PAK5: variants seen among roughly 807,000 people sequenced by gnomAD.
The protein encoded by PAK5 is p21 (RAC1) activated kinase 5, also known as serine/threonine-protein kinase PAK 5.
PAK5 carries 16 observed loss-of-function variants against 65.9 expected under a neutral mutation model. That is an observed-to-expected ratio of 0.24 (90% confidence interval 0.16 to 0.37). The LOEUF (loss-of-function observed/expected upper bound fraction) is 0.37, where lower values mean the gene tolerates loss of function less well. Ranked by LOEUF, PAK5 falls within the 10% of genes least tolerant of loss-of-function variation. PAK5 has a pLI of 1.00. For missense variants in PAK5, 785 were observed against 903.9 expected (o/e 0.87, Z 1.69); for synonymous variants, 371 against 354.9 (o/e 1.05, Z -0.51).
At chr20:9,780,295 G>A (rs1444522365) in intron 1 of PAK5, among the ~76,000 whole-genome samples, 2 of 150,446 alleles carry the variant, frequency 1.3e-5, no homozygotes. Flanking sequence ...TGACATAATA[G>A]GGTGCAATTT....
intron 7 of PAK5, among the ~76,000 whole-genome samples, chr20:9,557,202 T>C (rs548749743): frequency 1.3e-5 from 2 of 152,232 alleles, no homozygotes; most frequent in East Asian, 3.9e-4. Context: ...ATCCTCAAAT[T>C]ACCCAAGTGG....
chr20:9,698,544 C>A (rs1569046275), intron 2 of PAK5, among the ~76,000 whole-genome samples: 1 of 152,110 alleles, frequency 6.6e-6, no homozygotes, highest in African/African-American at 2.4e-5. Flanking sequence ...TGCAGACATG[C>A]CATTTGGTTT....
At chr20:9,696,580 G>A (rs1823070790) in intron 2 of PAK5, among the ~76,000 whole-genome samples, 1 of 152,004 alleles carries the variant, frequency 6.6e-6, no homozygotes. Context: ...CAGACGTGTG[G>A]GAGAAAGTTT....
intron 3 of PAK5, among the ~76,000 whole-genome samples, chr20:9,627,635 C>CT (rs539318641): frequency 2.0e-4 from 30 of 149,490 alleles, no homozygotes; most frequent in Non-Finnish European, 3.0e-4. Context: ...CTTTTCTTTT[C>CT]TTTTTTTTTT....
At chr20:9,814,845 A>G (rs1185424946) in intron 1 of PAK5, among the ~76,000 whole-genome samples, 1 of 152,114 alleles carries the variant, frequency 6.6e-6, no homozygotes, top group Non-Finnish European at 1.5e-5. Context: ...ATTGCTAGCC[A>G]TATGTCTTAG....
At chr20:9,818,907 A>T (rs571431324) in intron 1 of PAK5, 2 of 152,360 alleles carry the variant, frequency 1.3e-5, no homozygotes, top group South Asian at 2.1e-4. Context: ...ATATCAGCCA[A>T]ATAACATATA....
intron 2 of PAK5, among the ~76,000 whole-genome samples, chr20:9,654,959 A>T (rs1319773398): frequency 6.6e-6 from 1 of 152,192 alleles, no homozygotes; most frequent in African/African-American, 2.4e-5. Flanking sequence ...TTCCTTGTCT[A>T]TTGGGCTACA....
intron 1 of PAK5, among the ~76,000 whole-genome samples, chr20:9,835,899 G>A (rs1979112143): frequency 6.6e-6 from 1 of 152,082 alleles, no homozygotes; most frequent in Non-Finnish European, 1.5e-5. Flanking sequence ...TATTGTTTTT[G>A]TTATTTAATG....
chr20:9,758,576 G>T (rs1276173182), intron 1 of PAK5, among the ~76,000 whole-genome samples: 1 of 152,114 alleles, frequency 6.6e-6, no homozygotes, highest in African/African-American at 2.4e-5. Context: ...GCAGCCTCTT[G>T]TTTCAGCCCC....
intron 7 of PAK5, among the ~76,000 whole-genome samples, chr20:9,552,199 C>A (rs780283191): frequency 6.6e-6 from 1 of 152,350 alleles, no homozygotes; most frequent in South Asian, 2.1e-4. Context: ...AAAGAGATCA[C>A]AAAGACCACT....
chr20:9,546,845 A>T (rs2045352456), intron 7 of PAK5, among the ~76,000 whole-genome samples: 1 of 152,190 alleles, frequency 6.6e-6, no homozygotes, highest in Non-Finnish European at 1.5e-5. Flanking sequence ...CTTTTCAAGA[A>T]ATGAGATGTA....
chr20:9,724,287 A>G (rs2048251154), intron 1 of PAK5, among the ~76,000 whole-genome samples: 1 of 152,184 alleles, frequency 6.6e-6, no homozygotes, highest in African/African-American at 2.4e-5. Flanking sequence ...ACTTCTCTCA[A>G]GTGTAAGTTT....
At chr20:9,772,634 T>C (rs2048846557) in intron 1 of PAK5, among the ~76,000 whole-genome samples, 1 of 152,248 alleles carries the variant, frequency 6.6e-6, no homozygotes, top group African/African-American at 2.4e-5. Context: ...TCATAGAATA[T>C]TAATAGATCA....
At chr20:9,805,525 G>T (rs1052580676) in intron 1 of PAK5, among the ~76,000 whole-genome samples, 4 of 152,102 alleles carry the variant, frequency 2.6e-5, no homozygotes, top group Admixed American at 6.6e-5. Context: ...TCACACAATG[G>T]AATATTGTTC....
intron 2 of PAK5, among the ~76,000 whole-genome samples, chr20:9,660,082 T>C (rs530938852): frequency 5.9e-5 from 9 of 152,230 alleles, no homozygotes; most frequent in African/African-American, 2.2e-4. Flanking sequence ...AATCTGAAGA[T>C]GCCCACTTCT....
In PAK5 at chr20:9,665,817, A is replaced by C. The variant is rs558817822; in HGVS notation, c.-11-21478T>G. 1.1e-3 allele frequency among the ~76,000 whole-genome samples: 173 copies of C among 152,088 alleles called. 1 individual carries two copies. Among genetic ancestry groups the C allele is most frequent in the African/African-American group, 4.0e-3 (165 of 41,494 alleles). On this transcript the variant is annotated intron_variant, in intron 2 of 9. Coordinates refer to ENST00000353224, the MANE Select transcript of PAK5 (RefSeq NM_177990.4). Reference sequence around the variant, plus strand: ...CTGGTCATTTTTCTAAAGATATAGAAATGCTTGCCCTGCACTTGGCCCCTA... The same window carrying C: ...CTGGTCATTTTTCTAAAGATATAGACATGCTTGCCCTGCACTTGGCCCCTA...
At chr20:9,606,896 C>T (rs2046465280) in intron 3 of PAK5, among the ~76,000 whole-genome samples, 1 of 152,064 alleles carries the variant, frequency 6.6e-6, no homozygotes, top group Non-Finnish European at 1.5e-5. Context: ...CCTGCCTCCC[C>T]ATGAAATGAG....
At chr20:9,669,546 AT>A (rs1011511813) in intron 2 of PAK5, among the ~76,000 whole-genome samples, 4 of 152,104 alleles carry the variant, frequency 2.6e-5, no homozygotes, top group African/African-American at 9.6e-5. Context: ...ATATCAAAAA[AT>A]AATATTGTTT....
chr20:9,648,502 C>G lies in PAK5; in HGVS notation c.-11-4163G>C, dbSNP rs531085467. Among the ~76,000 whole-genome samples the G allele has an allele frequency of 1.9e-4, 29 of 151,256 alleles. 1 individual carries two copies. Among genetic ancestry groups the G allele is most frequent in the African/African-American group, 6.8e-4 (28 of 41,136 alleles). ...TTTTTTTTTGCATAAACAGTTTAGG[C>G]ACAGCAAGCCATTCTTTATCAGGGA... On this transcript the variant is annotated intron_variant, in intron 2 of 9. Coordinates refer to ENST00000353224, the MANE Select transcript of PAK5 (RefSeq NM_177990.4).
Sources: allele counts gnomAD v4.1 joint callset (sites outside exome capture counted in the v4.1 genomes callset), GRCh38; gene constraint gnomAD v4.1.1; transcripts MANE v1.5; gene names NCBI Gene and HGNC (gene_info 2026-07-23, HGNC 2026-07-21).